CALN1: variants seen among roughly 807,000 people sequenced by gnomAD.
CALN1 encodes calcium-binding protein 8.
CALN1 carries 17 observed loss-of-function variants against 30.6 expected under a neutral mutation model. That is an observed-to-expected ratio of 0.56 (90% CI 0.38 to 0.83). The LOEUF is 0.83. CALN1 is among the 40% of genes least tolerant of loss of function. The pLI, the probability that CALN1 is intolerant of heterozygous loss-of-function variation, is 0.00. For synonymous variants in CALN1, 156 were observed against 131.4 expected (o/e 1.19, Z -1.28); for missense variants, 291 against 354.9 (o/e 0.82, Z 1.45).
chr7:72,362,765 C>CAAGG (rs1477395565), intron 2 of CALN1, among the ~76,000 whole-genome samples: 3 of 152,138 alleles, frequency 2.0e-5, no homozygotes, highest in Non-Finnish European at 4.4e-5. Flanking sequence ...TTCCTTTCTT[C>CAAGG]AAGGAAGAAA....
chr7:72,346,415 G>T (rs1000525907), intron 2 of CALN1, among the ~76,000 whole-genome samples: 1 of 152,126 alleles, frequency 6.6e-6, no homozygotes, highest in Non-Finnish European at 1.5e-5. Context: ...GAAGGATGAA[G>T]ATGTAATACT....
At chr7:72,064,159 G>C (rs933827369) in intron 4 of CALN1, among the ~76,000 whole-genome samples, 1 of 151,856 alleles carries the variant, frequency 6.6e-6, no homozygotes, top group Non-Finnish European at 1.5e-5. Flanking sequence ...GTACACTCCT[G>C]TAATCCCAGC....
At chr7:71,984,851 G>A in intron 5 of CALN1, among the ~76,000 whole-genome samples, 1 of 152,196 alleles carries the variant, frequency 6.6e-6, no homozygotes, top group East Asian at 1.9e-4. Context: ...CCATGGAGTT[G>A]CAGATTCACG....
At chr7:71,944,475 T>C (rs921491249) in intron 5 of CALN1, among the ~76,000 whole-genome samples, 2 of 150,242 alleles carry the variant, frequency 1.3e-5, no homozygotes, top group African/African-American at 4.9e-5. Context: ...ATGCCTGTAA[T>C]CCCAGCTACT....
chr7:72,359,826 A>T (rs1410178685), intron 2 of CALN1, among the ~76,000 whole-genome samples: 1 of 151,836 alleles, frequency 6.6e-6, no homozygotes, highest in Non-Finnish European at 1.5e-5. Context: ...ATACAAAAAA[A>T]ATTAGCCGGA....
At chr7:72,192,504 T>C (rs1390384334) in intron 3 of CALN1, among the ~76,000 whole-genome samples, 1 of 152,094 alleles carries the variant, frequency 6.6e-6, no homozygotes, top group African/African-American at 2.4e-5. Context: ...TGCAGGAAAG[T>C]TATCACGATG....
chr7:72,499,857 CTT>C, the CALN1 span, among the ~76,000 whole-genome samples: 2,990 of 50,240 alleles, frequency 0.06, 403 homozygotes, highest in African/African-American at 0.12. Context: ...TTCTTTCTTT[CTT>C]TCTTTCTTTC....
At chr7:72,066,335 A>T (rs1050780512) in intron 4 of CALN1, among the ~76,000 whole-genome samples, 3 of 152,168 alleles carry the variant, frequency 2.0e-5, no homozygotes, top group African/African-American at 7.2e-5. Flanking sequence ...GGGCATAATT[A>T]TTCACCCAGT....
chr7:72,302,820 A>C (rs892285345), intron 2 of CALN1, among the ~76,000 whole-genome samples: 1 of 137,278 alleles, frequency 7.3e-6, no homozygotes, highest in African/African-American at 2.7e-5. Flanking sequence ...GCTTGAGCCC[A>C]GGAGGCGGCG....
chr7:72,375,019 TAAA>T (rs1804472903), intron 2 of CALN1, among the ~76,000 whole-genome samples: 1 of 152,096 alleles, frequency 6.6e-6, no homozygotes, highest in African/African-American at 2.4e-5. Flanking sequence ...TACAAAAACT[TAAA>T]AAATATAAAA....
intron 2 of CALN1, among the ~76,000 whole-genome samples, chr7:72,359,228 C>T (rs1321756040): frequency 6.6e-6 from 1 of 152,150 alleles, no homozygotes; most frequent in Non-Finnish European, 1.5e-5. Context: ...CAGAGTCACT[C>T]TTGGCACCTT....
At chr7:72,403,598 GAC>G (rs993219856) in intron 1 of CALN1, among the ~76,000 whole-genome samples, 156 bp from the exon 2 acceptor site, 117 of 152,324 alleles carry the variant, frequency 7.7e-4, no homozygotes, top group African/African-American at 2.6e-3. Context: ...TTACAGTTGA[GAC>G]ACATGTTTAG....
chr7:72,130,385 A>G (rs1176114590), intron 3 of CALN1, among the ~76,000 whole-genome samples: 1 of 152,254 alleles, frequency 6.6e-6, no homozygotes, highest in African/African-American at 2.4e-5. Flanking sequence ...AACAGTGTGC[A>G]TCAAATGTTT....
At chr7:71,986,061 T>A (rs1243639981) in intron 5 of CALN1, among the ~76,000 whole-genome samples, 4 of 152,060 alleles carry the variant, frequency 2.6e-5, no homozygotes, top group Non-Finnish European at 5.9e-5. Flanking sequence ...TTTCTCTTTT[T>A]TTTTTGAGAC....
intron 5 of CALN1, among the ~76,000 whole-genome samples, chr7:71,940,840 T>C (rs1452486549): frequency 1.3e-5 from 2 of 152,172 alleles, no homozygotes; most frequent in Non-Finnish European, 2.9e-5. Flanking sequence ...CTCAAACTCC[T>C]GAGCTAGGCA....
intron 5 of CALN1, among the ~76,000 whole-genome samples, chr7:71,889,393 T>C (rs1254859304): frequency 6.6e-6 from 1 of 151,668 alleles, no homozygotes; most frequent in Non-Finnish European, 1.5e-5. Context: ...AACTTGACGT[T>C]GGGGCAAAAA....
intron 2 of CALN1, among the ~76,000 whole-genome samples, chr7:72,352,272 C>T (rs1802964013): frequency 6.6e-6 from 1 of 150,986 alleles, no homozygotes; most frequent in Admixed American, 6.6e-5. Flanking sequence ...GCCTGTAGTC[C>T]CAGCTACTTG....
chr7:71,861,799 A>AG (rs1554358717), intron 5 of CALN1, among the ~76,000 whole-genome samples: 99 of 148,062 alleles, frequency 6.7e-4, no homozygotes, highest in Middle Eastern at 3.7e-3. Context: ...AAAAAAAAAA[A>AG]AGAGAGAGAG....
chr7:72,357,285 A>T (rs917957689), intron 2 of CALN1, among the ~76,000 whole-genome samples: 1 of 151,872 alleles, frequency 6.6e-6, no homozygotes, highest in Non-Finnish European at 1.5e-5. Flanking sequence ...CCCGACCCCA[A>T]GCTGAGATCT....
Sources: gnomAD v4.1 joint callset for allele counts (sites outside exome capture counted in the v4.1 genomes callset) on GRCh38, gnomAD v4.1.1 for gene constraint, MANE v1.5 for transcripts, NCBI Gene and HGNC (gene_info 2026-07-23, HGNC 2026-07-21) for gene names.